CTNND2: variants seen among roughly 807,000 people sequenced by gnomAD.
CTNND2 encodes the protein catenin delta 2.
In CTNND2, 22 loss-of-function variants were observed where a neutral mutation model predicts 144.4. The observed-to-expected ratio is 0.15, with a 90% CI of 0.11 to 0.22. CTNND2 has a LOEUF of 0.22. CTNND2 is among the 10% of genes least tolerant of loss of function. CTNND2 has a pLI of 1.00. For missense variants in CTNND2, 1,353 were observed against 1,618.8 expected, an observed-to-expected ratio of 0.84 and a Z score of 2.82; for synonymous variants, 751 against 695.6, an observed-to-expected ratio of 1.08 and a Z score of -1.25.
chr5:11,026,299 C>T (rs1580076091), intron 16 of CTNND2, among the ~76,000 whole-genome samples: 1 of 151,772 alleles, frequency 6.6e-6, no homozygotes, highest in East Asian at 1.9e-4. Flanking sequence ...AAGGAGCAGG[C>T]ACCAGTAACC....
intron 2 of CTNND2, among the ~76,000 whole-genome samples, chr5:11,625,491 T>C (rs563117274): frequency 6.6e-6 from 1 of 151,884 alleles, no homozygotes; most frequent in Admixed American, 6.6e-5. Context: ...TAGACTGAAG[T>C]GTAGGATGTA....
At chr5:11,083,365 G>C (rs935850758) in intron 15 of CTNND2, among the ~76,000 whole-genome samples, 2 of 152,164 alleles carry the variant, frequency 1.3e-5, no homozygotes, top group African/African-American at 4.8e-5. Flanking sequence ...GAAATAGGCA[G>C]GGGTGGATAA....
intron 16 of CTNND2, among the ~76,000 whole-genome samples, chr5:11,034,780 T>A (rs1013145579): frequency 6.6e-6 from 1 of 152,104 alleles, no homozygotes; most frequent in Non-Finnish European, 1.5e-5. Context: ...TTTAATGTGA[T>A]CTTTGTCATT....
At chr5:11,509,552 G>C (rs1317994091) in intron 3 of CTNND2, among the ~76,000 whole-genome samples, 1 of 152,120 alleles carries the variant, frequency 6.6e-6, no homozygotes, top group Non-Finnish European at 1.5e-5. Context: ...GAAAGCAGGA[G>C]AATATTTACA....
At chr5:11,892,540 C>T (rs1262017799) in intron 1 of CTNND2, among the ~76,000 whole-genome samples, 1 of 151,980 alleles carries the variant, frequency 6.6e-6, no homozygotes, top group Non-Finnish European at 1.5e-5. Flanking sequence ...AATATTTTCC[C>T]TCATAATCCA....
chr5:11,291,297 G>C (rs550279382), intron 9 of CTNND2, among the ~76,000 whole-genome samples: 1 of 151,130 alleles, frequency 6.6e-6, no homozygotes, highest in Non-Finnish European at 1.5e-5. Flanking sequence ...CATCATTCTA[G>C]GCTAGAAAAC....
At chr5:10,991,137 A>G (rs1738628712) in intron 19 of CTNND2, among the ~76,000 whole-genome samples, 1 of 152,236 alleles carries the variant, frequency 6.6e-6, no homozygotes, top group Non-Finnish European at 1.5e-5. Flanking sequence ...GTGATAAGCA[A>G]TGACAGTACA....
chr5:11,378,149 G>T (rs1170462107), intron 7 of CTNND2, among the ~76,000 whole-genome samples: 1 of 152,204 alleles, frequency 6.6e-6, no homozygotes, highest in African/African-American at 2.4e-5. Flanking sequence ...TAACTGCTTT[G>T]TTGGTGGAAG....
At chr5:11,618,692 C>T (rs1253544394) in intron 2 of CTNND2, among the ~76,000 whole-genome samples, 1 of 152,158 alleles carries the variant, frequency 6.6e-6, no homozygotes, top group Non-Finnish European at 1.5e-5. Flanking sequence ...GTACAGTTTA[C>T]CATAAATTGA....
intron 2 of CTNND2, among the ~76,000 whole-genome samples, chr5:11,628,082 C>G (rs1389588540): frequency 6.6e-6 from 1 of 151,846 alleles, no homozygotes; most frequent in East Asian, 1.9e-4. Context: ...GGGTTGGGGA[C>G]CCTTGCTTTA....
intron 9 of CTNND2, among the ~76,000 whole-genome samples, chr5:11,305,105 C>G (rs17794637): frequency 6.6e-6 from 1 of 152,108 alleles, no homozygotes; most frequent in Non-Finnish European, 1.5e-5. Context: ...TGGTGTCTTA[C>G]CAGGTGCTAA....
chr5:11,646,770 C>T (rs1782380732), intron 2 of CTNND2, among the ~76,000 whole-genome samples: 1 of 152,208 alleles, frequency 6.6e-6, no homozygotes, highest in African/African-American at 2.4e-5. Flanking sequence ...GGCACAGGAG[C>T]AGGCCAAATG....
chr5:11,111,183 T>C, intron 13 of CTNND2, 140 bp from the exon 14 acceptor site: 1 of 837,276 alleles, frequency 1.2e-6, no homozygotes, highest in Non-Finnish European at 1.8e-6. Flanking sequence ...AAAGCTCCCC[T>C]GATGGCCACA....
intron 8 of CTNND2, among the ~76,000 whole-genome samples, chr5:11,350,827 C>T (rs1364072416): frequency 1.3e-5 from 2 of 151,898 alleles, no homozygotes; most frequent in East Asian, 1.9e-4. Flanking sequence ...CAATGTAATA[C>T]CTTACTTTGT....
intron 9 of CTNND2, among the ~76,000 whole-genome samples, chr5:11,319,515 G>A (rs770567513): frequency 9.2e-5 from 14 of 151,862 alleles, no homozygotes; most frequent in African/African-American, 2.9e-4. Context: ...TTATTTATTC[G>A]TTTATTTTTA....
At position 11,904,419 on chromosome 5, in the gene CTNND2, C is replaced by A. The variant is rs1359508271; in HGVS notation, c.-566G>T. ...CGCCCGGCTAGTGAGGGAGCGTCCG[C>A]CCCGCCGCCGAAACCGGCCCCGGGT... On this transcript the variant is annotated 5_prime_UTR_variant, in exon 1 of 22. Transcript: ENST00000304623. This position sits in a 1 kb window ranked among gnomAD's most constrained non-coding sequence, Gnocchi z 4.2. Among the ~76,000 whole-genome samples the A allele has an allele frequency of 1.3e-5, 2 of 151,776 alleles. No individual in the cohort carries two copies. Among genetic ancestry groups the A allele is most frequent in the African/African-American group, 4.8e-5 (2 of 41,392 alleles).
chr5:11,780,698 A>G (rs2126847041), intron 1 of CTNND2, among the ~76,000 whole-genome samples: 1 of 152,302 alleles, frequency 6.6e-6, no homozygotes, highest in South Asian at 2.1e-4. Flanking sequence ...TCCTACAAGG[A>G]GGGAGATGCA....
At chr5:11,756,773 A>ATGT (rs56238050) in intron 1 of CTNND2, among the ~76,000 whole-genome samples, 132,855 of 151,338 alleles carry the variant, frequency 0.88, 60,428 homozygotes, top group Non-Finnish European at 0.99. Flanking sequence ...TGAATTTATC[A>ATGT]TGTTTAAATC....
chr5:11,330,642 G>A (rs1392602634), intron 9 of CTNND2, among the ~76,000 whole-genome samples: 1 of 151,778 alleles, frequency 6.6e-6, no homozygotes, highest in Non-Finnish European at 1.5e-5. Flanking sequence ...TGACCAACAT[G>A]ATGAACCCCC....
Sources: gnomAD v4.1 joint callset for allele counts (sites outside exome capture counted in the v4.1 genomes callset) on GRCh38, gnomAD v4.1.1 for gene constraint, Gnocchi (gnomAD v3.1) non-coding constraint, MANE v1.5 for transcripts, NCBI Gene and HGNC (gene_info 2026-07-23, HGNC 2026-07-21) for gene names.